Variants in TMEM80 observed in about 807,000 individuals in gnomAD.
TMEM80 encodes transmembrane protein 80.
A neutral mutation model predicts 13.6 loss-of-function variants in TMEM80; 16 were observed. That is an observed-to-expected ratio of 1.17 (90% CI 0.79 to 1.78). The LOEUF (loss-of-function observed/expected upper bound fraction) is 1.78. TMEM80 is among the 40% of genes most tolerant of loss of function. TMEM80 has a pLI of 0.00. For missense variants in TMEM80, 167 were observed against 184.6 expected, an observed-to-expected ratio of 0.90 and a Z score of 0.55; for synonymous variants, 92 against 89.5, an observed-to-expected ratio of 1.03 and a Z score of -0.16.
chr11:700,365 A>G lies in TMEM80; in HGVS notation c.133+130A>G, dbSNP rs539875971. On this transcript the variant is annotated intron_variant, in intron 3 of 4. Transcript: ENST00000397510. ...AACATGGGGAAACCCCATCTCTACT[A>G]AAAACACAAAAAGTAGCCGGGCGTG... The G allele has an allele frequency of 1.0e-5, 9 of 871,646 alleles. No individual in the cohort carries two copies. In the Admixed American group the frequency reaches 1.1e-4, roughly 11 times the overall value. 54.0% of individuals were successfully genotyped at this position (871,646 alleles called of 1,614,324 possible). A position where few individuals can be genotyped will look rare whatever the true frequency, so the allele number is the denominator to read the frequency against.
chr11:704,973 A>G (rs1475481175), downstream of TMEM80: 1 of 301,564 alleles, frequency 3.3e-6, no homozygotes, highest in South Asian at 2.9e-5. Flanking sequence ...AAGCTCATGC[A>G]TGGAGCAGGA....
intron 1 of TMEM80, among the ~76,000 whole-genome samples, 154 bp from the exon 2 acceptor site, chr11:698,715 T>C (rs1861309600): frequency 6.6e-6 from 1 of 152,164 alleles, no homozygotes; most frequent in Non-Finnish European, 1.5e-5. Flanking sequence ...ACGGGAGCTA[T>C]CTAGTGGCAG....
chr11:698,665 G>A (rs1429940149), intron 1 of TMEM80, among the ~76,000 whole-genome samples: 1 of 152,126 alleles, frequency 6.6e-6, no homozygotes, highest in Non-Finnish European at 1.5e-5. Flanking sequence ...GTTCTGAAAG[G>A]CAGAGACTCC....
intron 1 of TMEM80, 69 bp from the exon 2 acceptor site, chr11:698,800 T>A: frequency 6.3e-7 from 1 of 1,580,036 alleles, no homozygotes. Context: ...TTCCTGTCAG[T>A]GTGGAGCGAG....
intron 4 of TMEM80, among the ~76,000 whole-genome samples, chr11:702,355 C>G (rs1417392295): frequency 6.6e-6 from 1 of 152,232 alleles, no homozygotes; most frequent in Non-Finnish European, 1.5e-5. Context: ...CTTCTGGGGC[C>G]TGGGCCTGCC....
intron 2 of TMEM80, 86 bp from the exon 3 acceptor site, chr11:700,056 G>A: frequency 9.1e-7 from 1 of 1,099,422 alleles, no homozygotes; most frequent in Non-Finnish European, 1.4e-6. Context: ...CCACCAAACA[G>A]ATGACAGAAC....
In TMEM80 at chr11:703,452, A is replaced by C. The variant is rs1861591717; in HGVS notation, c.*302A>C. ...TCAGTGGGGTCTGGCTTTAGCAGCC[A>C]GGCCTCCACAGACCCCCATGGGCCC... On this transcript the variant is annotated 3_prime_UTR_variant, in exon 5 of 5. Transcript: ENST00000397510. 3.1e-6 allele frequency: 4 copies of C among 1,275,772 alleles called. No homozygotes were observed. Among genetic ancestry groups the C allele is most frequent in the Non-Finnish European group, 3.9e-6 (4 of 1,013,878 alleles). 79.0% of individuals were successfully genotyped at this position (1,275,772 alleles called of 1,614,324 possible). A position where few individuals can be genotyped will look rare whatever the true frequency, so the allele number is the denominator to read the frequency against.
chr11:703,190 C>T lies in TMEM80; in HGVS notation c.*40C>T, dbSNP rs1192351541. 6.4e-7 allele frequency: 1 copy of T among 1,564,326 alleles called. No homozygotes were observed. The highest frequency in any genetic ancestry group is 8.7e-7 in the Non-Finnish European group (1 of 1,149,708). On this transcript the variant is annotated 3_prime_UTR_variant, in exon 5 of 5. Transcript: ENST00000397510. ...GATACCCCACACTGGGGCCCTCCTC[C>T]TGGGCCTGACCAGTCCCCCAGCTGT...
chr11:697,321 A>G (rs145526423), intron 1 of TMEM80, among the ~76,000 whole-genome samples: 1 of 152,314 alleles, frequency 6.6e-6, no homozygotes, highest in African/African-American at 2.4e-5. Context: ...CAGGGAAAAC[A>G]CTTGTTCTCT....
At chr11:702,824 G>A in intron 4 of TMEM80, 121 bp from the exon 5 acceptor site, 3 of 963,076 alleles carry the variant, frequency 3.1e-6, no homozygotes, top group South Asian at 1.9e-5. Context: ...AATTCCCCAG[G>A]CCCCGGAGGA....
At chr11:704,549 TG>T, downstream of TMEM80, 1 of 1,289,354 alleles carries the variant, frequency 7.8e-7, no homozygotes, top group South Asian at 1.2e-5. Flanking sequence ...GAAGACCAGC[TG>T]GGCACACCTG....
At chr11:698,747 C>T in intron 1 of TMEM80, 122 bp from the exon 2 acceptor site, 1 of 1,210,422 alleles carries the variant, frequency 8.3e-7, no homozygotes. Context: ...ATGTTTGCTG[C>T]TTTCTACAAA....
At chr11:696,507 A>G (rs918456316) in intron 1 of TMEM80, among the ~76,000 whole-genome samples, 9 of 152,362 alleles carry the variant, frequency 5.9e-5, no homozygotes, top group African/African-American at 2.2e-4. Context: ...GGTTGGGCGC[A>G]GTGGCTCAGG....
At chr11:698,631 G>A (rs529942711) in intron 1 of TMEM80, among the ~76,000 whole-genome samples, 5 of 152,210 alleles carry the variant, frequency 3.3e-5, no homozygotes, top group South Asian at 4.1e-4. Flanking sequence ...CGGTGCCCCC[G>A]GTACTCGCTG....
At chr11:701,284 A>G (rs1176576207) in intron 4 of TMEM80, among the ~76,000 whole-genome samples, 2 of 151,452 alleles carry the variant, frequency 1.3e-5, no homozygotes, top group African/African-American at 2.4e-5. Context: ...GGCTTGAGCG[A>G]TCCTCCTGCC....
chr11:700,132 C>A lies in TMEM80; in HGVS notation c.40-10C>A. ...CCTGTTGAGCTTGAGGATCCTTAACCACTCACCAGCTCTCTTCAGTTCCCC... is the reference window on the plus strand; with the variant it reads ...CCTGTTGAGCTTGAGGATCCTTAACAACTCACCAGCTCTCTTCAGTTCCCC... On this transcript the variant is annotated splice_polypyrimidine_tract_variant and intron_variant, in intron 2 of 4. Coordinates refer to ENST00000397510, the MANE Select transcript of TMEM80 (RefSeq NM_001042463.3). The A allele has an allele frequency of 1.2e-6, 2 of 1,613,148 alleles. No individual in the cohort carries two copies. The highest frequency in any genetic ancestry group is 1.7e-6 in the Non-Finnish European group (2 of 1,179,212).
intron 4 of TMEM80, 35 bp downstream of exon 4, chr11:700,742 C>G: frequency 6.5e-7 from 1 of 1,539,382 alleles, no homozygotes; most frequent in East Asian, 2.2e-5. Context: ...AGAACCTGTC[C>G]TAAGAGTTGC....
upstream of TMEM80, chr11:695,659 C>T: frequency 8.0e-7 from 1 of 1,243,862 alleles, no homozygotes. Flanking sequence ...AGTGCCCGAG[C>T]GGTGCCGGAC....
chr11:695,882 A>G, intron 1 of TMEM80, 36 bp downstream of exon 1: 4 of 1,220,320 alleles, frequency 3.3e-6, no homozygotes, highest in Non-Finnish European at 4.1e-6. Context: ...CCGGGCTTGC[A>G]GCGGCGGGCG....
Sources: allele counts gnomAD v4.1 joint callset (sites outside exome capture counted in the v4.1 genomes callset), GRCh38; gene constraint gnomAD v4.1.1; transcripts MANE v1.5; gene names NCBI Gene and HGNC (gene_info 2026-07-23, HGNC 2026-07-21).